Variants in GRB2 observed in about 807,000 individuals in gnomAD.
GRB2 encodes growth factor receptor bound protein 2, also known as growth factor receptor-bound protein 2.
Under a neutral mutation model 27.4 loss-of-function variants are expected in GRB2, and 2 were observed. The ratio of observed to expected loss-of-function variants is 0.07; its 90% CI spans 0.03 to 0.23. The LOEUF (loss-of-function observed/expected upper bound fraction) is 0.23, where lower values mean the gene tolerates loss of function less well. GRB2 is among the 10% of genes least tolerant of loss of function. The probability of loss-of-function intolerance (pLI) is 1.00; values close to 1 mark genes in which losing one functional copy is unlikely to be tolerated. For missense variants in GRB2, 102 were observed against 282.4 expected (o/e 0.36, Z 4.58); for synonymous variants, 94 against 99.6 (o/e 0.94, Z 0.33).
At chr17:75,405,291 G>A (rs923454897) in intron 1 of GRB2, 198 bp downstream of exon 1, 3 of 152,606 alleles carry the variant, frequency 2.0e-5, no homozygotes, top group Admixed American at 6.5e-5. Context: ...AGCCGGAGGA[G>A]GACGGTCCCC....
intron 2 of GRB2, among the ~76,000 whole-genome samples, chr17:75,392,928 G>A (rs1348161318): frequency 6.6e-6 from 1 of 152,090 alleles, no homozygotes; most frequent in East Asian, 1.9e-4. Flanking sequence ...TTTAATATGG[G>A]GTAATTGCTC....
chr17:75,388,766 A>G (rs2078980898), intron 2 of GRB2, among the ~76,000 whole-genome samples: 1 of 151,870 alleles, frequency 6.6e-6, no homozygotes, highest in East Asian at 1.9e-4. Context: ...GGTAATTTGA[A>G]CCCCTGAAAT....
chr17:75,385,413 T>C (rs940954582), intron 2 of GRB2, among the ~76,000 whole-genome samples: 2 of 152,154 alleles, frequency 1.3e-5, no homozygotes, highest in Non-Finnish European at 2.9e-5. Flanking sequence ...GGTAGATGCT[T>C]GTAATCCCAG....
intron 1 of GRB2, among the ~76,000 whole-genome samples, chr17:75,400,073 C>T (rs1182422138): frequency 6.6e-6 from 1 of 151,964 alleles, no homozygotes; most frequent in Non-Finnish European, 1.5e-5. Flanking sequence ...TCTTGGCTCA[C>T]TGCAGCCTTG....
intron 1 of GRB2, chr17:75,394,785 T>C (rs143042957): frequency 5.0e-4 from 76 of 152,118 alleles, no homozygotes; most frequent in African/African-American, 1.8e-3. Flanking sequence ...GCAAGCAGAG[T>C]ATAAAACTGA....
chr17:75,353,184 C>CAAA (rs71159495), intron 2 of GRB2, among the ~76,000 whole-genome samples: 3 of 124,580 alleles, frequency 2.4e-5, no homozygotes, highest in East Asian at 2.2e-4. Context: ...GACTCCGTCT[C>CAAA]AAAAAAAAAA....
intron 1 of GRB2, among the ~76,000 whole-genome samples, chr17:75,395,422 T>G (rs1422724272): frequency 6.6e-6 from 1 of 152,218 alleles, no homozygotes; most frequent in Non-Finnish European, 1.5e-5. Flanking sequence ...ATATTTATAC[T>G]TGTGTATCCT....
At chr17:75,377,921 G>A (rs959099096) in intron 2 of GRB2, among the ~76,000 whole-genome samples, 1 of 151,962 alleles carries the variant, frequency 6.6e-6, no homozygotes. Context: ...AACAACCCAC[G>A]AAGAAACAAA....
intron 2 of GRB2, among the ~76,000 whole-genome samples, chr17:75,354,637 T>A (rs1025180705): frequency 6.6e-6 from 1 of 152,044 alleles, no homozygotes; most frequent in African/African-American, 2.4e-5. Context: ...ATGAAACCAG[T>A]CCCTGGTAGC....
At chr17:75,334,088 C>G (rs1259094633) in intron 2 of GRB2, among the ~76,000 whole-genome samples, 1 of 152,140 alleles carries the variant, frequency 6.6e-6, no homozygotes, top group Non-Finnish European at 1.5e-5. Context: ...TGCCTGAAAC[C>G]GTGGATAGTA....
At chr17:75,339,699 T>C (rs2078607688) in intron 2 of GRB2, among the ~76,000 whole-genome samples, 1 of 151,152 alleles carries the variant, frequency 6.6e-6, no homozygotes, top group Non-Finnish European at 1.5e-5. Context: ...CCATCTCAGC[T>C]CACTGCCACC....
intron 2 of GRB2, among the ~76,000 whole-genome samples, chr17:75,346,577 CCTT>C (rs1357130104): frequency 3.0e-4 from 29 of 95,834 alleles, no homozygotes; most frequent in Non-Finnish European, 3.7e-4. Context: ...GCTTTTCTTG[CCTT>C]TTTTTTTTTT....
intron 2 of GRB2, among the ~76,000 whole-genome samples, chr17:75,365,062 T>A (rs1414740839): frequency 6.6e-6 from 1 of 152,098 alleles, no homozygotes; most frequent in Non-Finnish European, 1.5e-5. Context: ...ATCAAACGAA[T>A]CTTGTACTGG....
intron 2 of GRB2, among the ~76,000 whole-genome samples, chr17:75,378,198 T>C (rs924360981): frequency 4.6e-5 from 7 of 152,140 alleles, no homozygotes; most frequent in African/African-American, 1.4e-4. Flanking sequence ...GAGACCAGCC[T>C]GACCAACATG....
chr17:75,328,157 C>T (rs1008249901), intron 3 of GRB2, among the ~76,000 whole-genome samples: 2 of 151,686 alleles, frequency 1.3e-5, no homozygotes, highest in Admixed American at 6.6e-5. Flanking sequence ...AACCCACTCT[C>T]TACCAAAAAT....
At chr17:75,401,600 C>A (rs1263652503) in intron 1 of GRB2, among the ~76,000 whole-genome samples, 1 of 152,038 alleles carries the variant, frequency 6.6e-6, no homozygotes, top group African/African-American at 2.4e-5. Flanking sequence ...CAACACAAAC[C>A]AAAAAGCTTA....
intron 2 of GRB2, among the ~76,000 whole-genome samples, chr17:75,363,645 G>A (rs1474026420): frequency 7.4e-6 from 1 of 135,838 alleles, no homozygotes; most frequent in African/African-American, 2.5e-5. Context: ...GGATCACCAA[G>A]TCAAGAGATC....
intron 3 of GRB2, among the ~76,000 whole-genome samples, chr17:75,330,199 C>G (rs1310615567): frequency 2.0e-5 from 3 of 151,624 alleles, no homozygotes; most frequent in Non-Finnish European, 4.4e-5. Flanking sequence ...CTGACCAACA[C>G]AGTGAAACCC....
chr17:75,345,105 G>A (rs1045872505), intron 2 of GRB2, among the ~76,000 whole-genome samples: 11 of 151,896 alleles, frequency 7.2e-5, no homozygotes, highest in African/African-American at 2.4e-4. Flanking sequence ...GTGCAGTGGC[G>A]CAATCTCGGC....
Sources: gnomAD v4.1 joint callset for allele counts (sites outside exome capture counted in the v4.1 genomes callset) on GRCh38, gnomAD v4.1.1 for gene constraint, MANE v1.5 for transcripts, NCBI Gene and HGNC (gene_info 2026-07-23, HGNC 2026-07-21) for gene names.